Variants in CCL3L3 observed in about 807,000 individuals in gnomAD.
CCL3L3 encodes C-C motif chemokine 3-like 1.
In CCL3L3, 6 loss-of-function variants were observed where a neutral mutation model predicts 9.0. The ratio of observed to expected loss-of-function variants is 0.67; its 90% CI spans 0.37 to 1.32. The LOEUF is 1.32. Ranked by LOEUF, CCL3L3 falls within the 40% of genes most tolerant of loss-of-function variation. The pLI is 0.02. For missense variants in CCL3L3, 93 were observed against 117.0 expected (o/e 0.79, Z 0.95); for synonymous variants, 38 against 45.7 (o/e 0.83, Z 0.68).
rs2068624705 is a variant in CCL3L3, at chr17:36,196,680, G to C, written c.-7C>G. On this transcript the variant is annotated 5_prime_UTR_variant, in exon 1 of 3. Coordinates refer to ENST00000619989, the MANE Select transcript of CCL3L3 (RefSeq NM_001001437.4). ...CAGCAGTGGAGACCTGCATGATTGG[G>C]AGCAGGTGATGGAATGTGGGCTCGA... 2 of 1,580,440 alleles carry C rather than the reference G, an allele frequency of 1.3e-6. No homozygotes were observed. Among genetic ancestry groups the C allele is most frequent in the Non-Finnish European group, 1.7e-6 (2 of 1,156,124 alleles).
At chr17:36,196,119 A>G (rs1293591152) in intron 1 of CCL3L3, 17 of 670,016 alleles carry the variant, frequency 2.5e-5, no homozygotes, top group African/African-American at 6.6e-5. Flanking sequence ...CTGTTTCTCT[A>G]TGTGATCCAG....
At position 36,196,209 on chromosome 17, in the gene CCL3L3, C is replaced by T. The variant is rs1191919138; in HGVS notation, c.77-297G>A. 3.6e-5 allele frequency: 23 copies of T among 636,136 alleles called. No homozygotes were observed. In the Middle Eastern group the frequency reaches 2.7e-3, roughly 74 times the overall value. The allele number at this position is 636,136 out of a possible 1,614,324, so 39.4% of individuals were successfully genotyped here. On this transcript the variant is annotated intron_variant, in intron 1 of 2. Transcript: ENST00000619989. ...AAGTCATACCCCAGCCCAAGAGAAG[C>T]CCTGGACATCTCTCATAAGACATCC... is the stretch of plus-strand genomic sequence containing the variant.
At position 36,195,030 on chromosome 17, in the gene CCL3L3, G is replaced by C. The variant is rs1330671868; in HGVS notation, c.*256C>G. The C allele has an allele frequency of 1.1e-4, 48 of 452,832 alleles. 5 individuals carry two copies. Among genetic ancestry groups the C allele is most frequent in the Admixed American group, 2.9e-4 (8 of 27,580 alleles). 28.1% of individuals were successfully genotyped at this position (452,832 alleles called of 1,614,324 possible). On this transcript the variant is annotated 3_prime_UTR_variant, in exon 3 of 3. Transcript: ENST00000619989. ...TGTCACCAGACACACTGTGAGGGAAGGTGGAGGGGACAGGGGGAACTCTCA... is the reference window on the plus strand; with the variant it reads ...TGTCACCAGACACACTGTGAGGGAACGTGGAGGGGACAGGGGGAACTCTCA...
chr17:36,196,442 A>G lies in CCL3L3; in HGVS notation c.76+156T>C, dbSNP rs1306942551. 1.3e-5 allele frequency: 13 copies of G among 987,598 alleles called. 2 individuals carry two copies. Among genetic ancestry groups the G allele is most frequent in the Non-Finnish European group, 1.9e-5 (12 of 626,652 alleles). 61.2% of individuals were successfully genotyped at this position (987,598 alleles called of 1,614,324 possible). ...GAGGGCTAAGACCCCTTCTAGAGAT[A>G]AAAATAAAAGTTGTGAAGAAAAAGA... is the stretch of plus-strand genomic sequence containing the variant. On this transcript the variant is annotated intron_variant, in intron 1 of 2. Coordinates refer to ENST00000619989, the MANE Select transcript of CCL3L3 (RefSeq NM_001001437.4).
Position 36,195,043 on chromosome 17 carries a change from G to A in CCL3L3, c.*243C>T, listed in dbSNP as rs1428508011. On this transcript the variant is annotated 3_prime_UTR_variant, in exon 3 of 3. Coordinates refer to ENST00000619989, the MANE Select transcript of CCL3L3 (RefSeq NM_001001437.4). ...ACTGTGAGGGAAGGTGGAGGGGACA[G>A]GGGGAACTCTCAGAGCAAACAATCA... 6.2e-6 allele frequency: 3 copies of A among 481,418 alleles called. No individual in the cohort carries two copies. Among genetic ancestry groups the A allele is most frequent in the Non-Finnish European group, 1.1e-5 (3 of 263,590 alleles). 29.8% of individuals were successfully genotyped at this position (481,418 alleles called of 1,614,324 possible). A position where few individuals can be genotyped will look rare whatever the true frequency, so the allele number is the denominator to read the frequency against.
intron 2 of CCL3L3, 42 bp from the exon 3 acceptor site, chr17:36,195,418 CCGGGGAATCCT>C: frequency 6.6e-7 from 1 of 1,516,954 alleles, no homozygotes; most frequent in East Asian, 2.6e-5. Flanking sequence ...GGGAATCCAG[CCGGGGAATCCT>C]GGGCCCACCA....
In CCL3L3 at chr17:36,195,168, A is replaced by G. The variant is rs1238835743; in HGVS notation, c.*118T>C. On this transcript the variant is annotated 3_prime_UTR_variant, in exon 3 of 3. Transcript: ENST00000619989. The stretch of plus-strand genomic sequence containing the variant: ...AGTCCCACAGTGTGGCTGTTTGGCA[A>G]TAACCAGTCCATAGAAGAGGTAGCT... 8.3e-7 allele frequency: 1 copy of G among 1,202,222 alleles called. No individual in the cohort carries two copies. The highest frequency in any genetic ancestry group is 1.2e-6 in the Non-Finnish European group (1 of 806,446). The allele number at this position is 1,202,222 out of a possible 1,614,324, so 74.5% of individuals were successfully genotyped here.
chr17:36,195,994 A>C, intron 1 of CCL3L3, 82 bp from the exon 2 acceptor site: 1 of 1,343,418 alleles, frequency 7.4e-7, no homozygotes, highest in Non-Finnish European at 1.0e-6. Flanking sequence ...GTGGTTGAGG[A>C]GGGCAGGCTT....
chr17:36,195,504 T>G, intron 2 of CCL3L3, 128 bp from the exon 3 acceptor site: 1 of 1,305,254 alleles, frequency 7.7e-7, no homozygotes, highest in Non-Finnish European at 1.1e-6. Flanking sequence ...AGGGGCCCCC[T>G]GCCTATCTCC....
In CCL3L3 at chr17:36,195,824, G is replaced by C; in HGVS notation, c.165C>G (p.Ser55Arg). ...TGACACTGGGCTTGGAGCACTGGCTGCTCGTCTCAAAGTAGTCAGCTATGA... is the reference window on the plus strand; with the variant it reads ...TGACACTGGGCTTGGAGCACTGGCTCCTCGTCTCAAAGTAGTCAGCTATGA... ...QNFIADYFET[S>R]SQCSKPSVIF... Residue 55 changes from serine (S) to arginine (R), a missense_variant, in exon 2 of 3, where the codon AGC (serine) becomes AGG (arginine). Physicochemically the swap from Ser to Arg is moderately radical, Grantham distance 110. Transcript: ENST00000619989. The C allele has an allele frequency of 3.8e-6, 6 of 1,583,114 alleles. No individual in the cohort carries two copies. The highest frequency in any genetic ancestry group is 5.2e-6 in the Non-Finnish European group (6 of 1,157,806).
At position 36,195,340 on chromosome 17, in the gene CCL3L3, G is replaced by C; in HGVS notation, c.228C>G (p.Asp76Glu). Reference sequence around the variant, plus strand: ...ATTTCTGGACCCACTCCTCACTGGGGTCAGCACAGACCTGCCGGCCTCTCT... The same window carrying C: ...ATTTCTGGACCCACTCCTCACTGGGCTCAGCACAGACCTGCCGGCCTCTCT... Reference protein sequence around the residue: ...LTKRGRQVCADPSEEWVQKYV... With the variant: ...LTKRGRQVCAEPSEEWVQKYV... Residue 76 changes from aspartate (D) to glutamate (E), a missense_variant, in exon 3 of 3, where the codon GAC becomes GAG. Asp to Glu is a conservative substitution (Grantham distance 45). Transcript: ENST00000619989. 6.3e-7 allele frequency: 1 copy of C among 1,582,754 alleles called. No individual in the cohort carries two copies. Among genetic ancestry groups the C allele is most frequent in the East Asian group, 2.2e-5 (1 of 44,608 alleles).
rs1475380079 is a variant in CCL3L3 at position 36,196,526 on chromosome 17, C to T, written c.76+72G>A. 29 of 1,508,562 alleles carry T rather than the reference C, an allele frequency of 1.9e-5. 3 individuals are homozygous for T. Among genetic ancestry groups the T allele is most frequent in the Non-Finnish European group, 2.3e-5 (25 of 1,090,788 alleles). The allele number at this position is 1,508,562 out of a possible 1,614,324, so 93.4% of individuals were successfully genotyped here. On this transcript the variant is annotated intron_variant, in intron 1 of 2. Coordinates refer to ENST00000619989, the MANE Select transcript of CCL3L3 (RefSeq NM_001001437.4). ...TCTTTTCTCTTCGGGGCTCTCAGGC[C>T]ACAAAAAAAGACTGATGTGGTCTAA...
At position 36,196,177 on chromosome 17, in the gene CCL3L3, G is replaced by C; in HGVS notation, c.77-265C>G. ...TAGCTCTCTTCATGGAATTTTGTCGGTTCAAGAAGTCATACCCCAGCCCAA... is the reference window on the plus strand; with the variant it reads ...TAGCTCTCTTCATGGAATTTTGTCGCTTCAAGAAGTCATACCCCAGCCCAA... On this transcript the variant is annotated intron_variant, in intron 1 of 2. Transcript: ENST00000619989. 2 of 628,282 alleles carry C rather than the reference G, an allele frequency of 3.2e-6. 1 individual carries two copies. Among genetic ancestry groups the C allele is most frequent in the Non-Finnish European group, 5.8e-6 (2 of 345,668 alleles). 38.9% of individuals were successfully genotyped at this position (628,282 alleles called of 1,614,324 possible). A position where few individuals can be genotyped will look rare whatever the true frequency, so the allele number is the denominator to read the frequency against.
chr17:36,196,413 C>T lies in CCL3L3; in HGVS notation c.76+185G>A, dbSNP rs1186941868. 2.3e-4 allele frequency: 187 copies of T among 799,798 alleles called. 25 individuals carry two copies. Among genetic ancestry groups the T allele is most frequent in the Non-Finnish European group, 3.4e-4 (158 of 459,594 alleles). The allele number at this position is 799,798 out of a possible 1,614,324, so 49.5% of individuals were successfully genotyped here. The stretch of plus-strand genomic sequence containing the variant: ...CTGCCTAGATTCTCATACCTGGAGA[C>T]TAGGAGGGCTAAGACCCCTTCTAGA... On this transcript the variant is annotated intron_variant, in intron 1 of 2. Coordinates refer to ENST00000619989, the MANE Select transcript of CCL3L3 (RefSeq NM_001001437.4).
In CCL3L3 at chr17:36,196,715, G is replaced by A; in HGVS notation, c.-42C>T. The A allele has an allele frequency of 6.4e-6, 10 of 1,562,148 alleles. No individual in the cohort carries two copies. Among genetic ancestry groups the A allele is most frequent in the Middle Eastern group, 1.9e-4 (1 of 5,290 alleles). ...TGGAATGTGGGCTCGAGTGTCAGCA[G>A]AGCCAAGAAGGGACTGACTACTCTT... On this transcript the variant is annotated 5_prime_UTR_variant, in exon 1 of 3. Transcript: ENST00000619989.
intron 1 of CCL3L3, 152 bp downstream of exon 1, chr17:36,196,446 A>C: frequency 2.0e-6 from 2 of 1,010,612 alleles, no homozygotes; most frequent in African/African-American, 1.4e-5. Flanking sequence ...AGAGATAAAA[A>C]TAAAAGTTGT....
At position 36,195,305 on chromosome 17, in the gene CCL3L3, T is replaced by C; in HGVS notation, c.263A>G (p.Asp88Gly). Residue 88 changes from aspartate (D) to glycine (G), a missense_variant, in exon 3 of 3, where the codon GAC becomes GGC. By Grantham distance (94) the Asp-to-Gly change is moderately conservative (BLOSUM62 -1). Transcript: ENST00000619989. ...GACCCCTCAGGCACTCAGCTCCAGG[T>C]CACTGACGTATTTCTGGACCCACTC... ...SEEWVQKYVS[D>G]LELSA The C allele has an allele frequency of 3.2e-6, 5 of 1,582,308 alleles. No homozygotes were observed. The South Asian group carries it at 4.5e-5, about 14-fold the overall frequency.
intron 1 of CCL3L3, chr17:36,196,286 A>G (rs1327971528): frequency 1.5e-6 from 1 of 647,502 alleles, no homozygotes; most frequent in Non-Finnish European, 2.9e-6. Flanking sequence ...TGAAGAACAG[A>G]CCCCACTGGG....
intron 1 of CCL3L3, 189 bp from the exon 2 acceptor site, chr17:36,196,101 T>C (rs2068618393): frequency 1.4e-6 from 1 of 702,524 alleles, no homozygotes; most frequent in Non-Finnish European, 2.5e-6. Flanking sequence ...CTCTTCATAG[T>C]GGGTTCTCTG....
Sources: allele counts gnomAD v4.1 joint callset, GRCh38; gene constraint gnomAD v4.1.1; transcripts MANE v1.5; gene names NCBI Gene and HGNC (gene_info 2026-07-23, HGNC 2026-07-21).